The following ADCK1 variants were observed in gnomAD, a reference collection of about 807,000 sequenced individuals.
The protein encoded by ADCK1 is aarF domain containing kinase 1.
Under a neutral mutation model 52.3 loss-of-function variants are expected in ADCK1, and 41 were observed. That is an observed-to-expected ratio of 0.78 (90% CI 0.61 to 1.02). The LOEUF (loss-of-function observed/expected upper bound fraction) is 1.02. Ranked by LOEUF, ADCK1 falls within the 50% of genes least tolerant of loss-of-function variation. The pLI is 0.00. For missense variants in ADCK1, 658 were observed against 679.5 expected (o/e 0.97, Z 0.35); for synonymous variants, 250 against 274.6 (o/e 0.91, Z 0.89).
intron 1 of ADCK1, among the ~76,000 whole-genome samples, chr14:77,810,616 T>C (rs981540846): frequency 7.9e-5 from 12 of 151,040 alleles, no homozygotes; most frequent in South Asian, 6.3e-4. Flanking sequence ...CTGCAAGCTA[T>C]GCCTCCCGGG....
intron 7 of ADCK1, among the ~76,000 whole-genome samples, chr14:77,917,745 T>C (rs2083958658): frequency 6.6e-6 from 1 of 152,206 alleles, no homozygotes; most frequent in South Asian, 2.1e-4. Flanking sequence ...GGCACTGTAC[T>C]GTAGCTTTAG....
chr14:77,910,659 G>A (rs1338257207), intron 7 of ADCK1, among the ~76,000 whole-genome samples: 1 of 152,198 alleles, frequency 6.6e-6, no homozygotes, highest in Non-Finnish European at 1.5e-5. Context: ...TGAGCCCAGA[G>A]CCGTAATGGT....
At chr14:77,924,993 T>C (rs554887467) in intron 8 of ADCK1, among the ~76,000 whole-genome samples, 10 of 152,078 alleles carry the variant, frequency 6.6e-5, no homozygotes, top group African/African-American at 2.4e-4. Flanking sequence ...TACTACCTAG[T>C]GGGAAAGGGG....
chr14:77,850,627 A>T (rs1215032436), intron 3 of ADCK1, among the ~76,000 whole-genome samples: 19 of 145,958 alleles, frequency 1.3e-4, no homozygotes, highest in African/African-American at 2.5e-5. Context: ...CTTTCTTTTG[A>T]TTAGCATTGG....
intron 4 of ADCK1, among the ~76,000 whole-genome samples, chr14:77,870,692 G>A (rs2082757660): frequency 6.6e-6 from 1 of 152,228 alleles, no homozygotes; most frequent in South Asian, 2.1e-4. Flanking sequence ...AGGTTGGGCA[G>A]TGAGTCAGGA....
At position 77,931,430 on chromosome 14, in the gene ADCK1, C is replaced by G; in HGVS notation, c.1207-88C>G. On this transcript the variant is annotated intron_variant, in intron 9 of 10. Coordinates refer to ENST00000238561, the MANE Select transcript of ADCK1 (RefSeq NM_020421.4). ...TCCCTCCTGGGGCTTCTTTGCAGCCCTCTGGTCACAGCCTGCCAGACCCCT... is the reference window on the plus strand; with the variant it reads ...TCCCTCCTGGGGCTTCTTTGCAGCCGTCTGGTCACAGCCTGCCAGACCCCT... The G allele has an allele frequency of 3.6e-6, 5 of 1,396,028 alleles. No individual in the cohort carries two copies. The South Asian group carries it at 6.7e-5, about 19-fold the overall frequency. The allele number at this position is 1,396,028 out of a possible 1,614,324, so 86.5% of individuals were successfully genotyped here. A position where few individuals can be genotyped will look rare whatever the true frequency, so the allele number is the denominator to read the frequency against.
intron 5 of ADCK1, among the ~76,000 whole-genome samples, chr14:77,898,657 G>T (rs922661421): frequency 3.3e-5 from 5 of 152,096 alleles, no homozygotes; most frequent in Non-Finnish European, 5.9e-5. Context: ...GTTGGGGGGT[G>T]GGGGAGAGCA....
At chr14:77,894,965 C>T (rs1262011442) in intron 5 of ADCK1, among the ~76,000 whole-genome samples, 1 of 152,100 alleles carries the variant, frequency 6.6e-6, no homozygotes, top group Non-Finnish European at 1.5e-5. Flanking sequence ...GTTGGCCAGG[C>T]TGGTCTTGAA....
intron 4 of ADCK1, among the ~76,000 whole-genome samples, chr14:77,885,925 C>T (rs2083137325): frequency 6.6e-6 from 1 of 152,102 alleles, no homozygotes; most frequent in African/African-American, 2.4e-5. Flanking sequence ...GGTGTGACCA[C>T]TCAAGTCAGG....
At chr14:77,803,035 A>G (rs1178675244) in intron 1 of ADCK1, among the ~76,000 whole-genome samples, 1 of 152,170 alleles carries the variant, frequency 6.6e-6, no homozygotes, top group Non-Finnish European at 1.5e-5. Context: ...GCTCAGGCCA[A>G]CTTCACACAG....
intron 3 of ADCK1, among the ~76,000 whole-genome samples, chr14:77,854,898 T>A (rs1254804761): frequency 6.6e-6 from 1 of 152,180 alleles, no homozygotes; most frequent in Non-Finnish European, 1.5e-5. Flanking sequence ...TTCAGAGCCC[T>A]ACCTCACAAC....
At chr14:77,931,763 A>AG in intron 10 of ADCK1, 52 bp downstream of exon 10, 1 of 1,558,238 alleles carries the variant, frequency 6.4e-7, no homozygotes, top group Non-Finnish European at 8.7e-7. Flanking sequence ...GGCCTGCCCC[A>AG]GGGGTCCTGC....
At chr14:77,887,312 C>T (rs1408617232) in intron 5 of ADCK1, 63 bp downstream of exon 5, 3 of 1,473,344 alleles carry the variant, frequency 2.0e-6, no homozygotes, top group Non-Finnish European at 2.7e-6. Context: ...ATCCAGGCCA[C>T]CTAGGTGGAA....
At chr14:77,825,329 T>C (rs1428812876) in intron 3 of ADCK1, among the ~76,000 whole-genome samples, 1 of 152,116 alleles carries the variant, frequency 6.6e-6, no homozygotes. Context: ...GAGCACGAGG[T>C]TAATAGTTAG....
intron 1 of ADCK1, among the ~76,000 whole-genome samples, chr14:77,808,352 T>C (rs902531926): frequency 3.3e-5 from 5 of 152,034 alleles, no homozygotes; most frequent in Non-Finnish European, 7.4e-5. Flanking sequence ...TGCAGGTTGA[T>C]GGGGTGATTA....
chr14:77,862,517 C>T (rs536438448), intron 4 of ADCK1, among the ~76,000 whole-genome samples: 1 of 152,288 alleles, frequency 6.6e-6, no homozygotes, highest in East Asian at 1.9e-4. Flanking sequence ...GTTGAAGGAA[C>T]GCAGGCTGAC....
intron 9 of ADCK1, among the ~76,000 whole-genome samples, chr14:77,930,235 C>T (rs2084296386): frequency 6.6e-6 from 1 of 152,200 alleles, no homozygotes; most frequent in African/African-American, 2.4e-5. Flanking sequence ...CTGATAGTTC[C>T]TGCCTGAGAG....
chr14:77,890,553 G>C (rs1179631614), intron 5 of ADCK1, among the ~76,000 whole-genome samples: 1 of 152,218 alleles, frequency 6.6e-6, no homozygotes, highest in Non-Finnish European at 1.5e-5. Context: ...CTTAATGGGA[G>C]AGTGGCAAGG....
At chr14:77,810,129 T>C (rs530673364) in intron 1 of ADCK1, among the ~76,000 whole-genome samples, 2 of 152,202 alleles carry the variant, frequency 1.3e-5, no homozygotes, top group South Asian at 4.1e-4. Flanking sequence ...ATTACTTTTT[T>C]TTTTCTTGAG....
Sources: allele counts gnomAD v4.1 joint callset (sites outside exome capture counted in the v4.1 genomes callset), GRCh38; gene constraint gnomAD v4.1.1; transcripts MANE v1.5; gene names NCBI Gene and HGNC (gene_info 2026-07-23, HGNC 2026-07-21).